The following HMBOX1 variants were observed in gnomAD, a reference collection of about 807,000 sequenced individuals.
HMBOX1 encodes homeobox-containing protein 1.
HMBOX1 carries 14 observed loss-of-function variants against 54.5 expected under a neutral mutation model. That is an observed-to-expected ratio of 0.26 (90% CI 0.17 to 0.40). HMBOX1 has a LOEUF of 0.40. Among genes scored for constraint, HMBOX1 ranks in the 10% least tolerant of loss-of-function variants. HMBOX1 has a pLI of 1.00. For missense variants in HMBOX1, 332 were observed against 514.4 expected (o/e 0.65, Z 3.43); for synonymous variants, 160 against 181.0 (o/e 0.88, Z 0.93).
intron 1 of HMBOX1, among the ~76,000 whole-genome samples, chr8:28,906,902 T>C (rs1398276570): frequency 6.6e-6 from 1 of 152,124 alleles, no homozygotes; most frequent in Non-Finnish European, 1.5e-5. Context: ...TTGAAAAAAA[T>C]GGTTTTTAAT....
intron 1 of HMBOX1, among the ~76,000 whole-genome samples, chr8:28,952,553 A>G (rs1305870963): frequency 1.3e-5 from 2 of 152,212 alleles, no homozygotes; most frequent in African/African-American, 2.4e-5. Context: ...AATATTTAAC[A>G]TGGAGACTAT....
intron 4 of HMBOX1, among the ~76,000 whole-genome samples, chr8:28,998,218 A>G (rs1195191174): frequency 3.9e-5 from 6 of 152,046 alleles, no homozygotes; most frequent in Non-Finnish European, 7.4e-5. Context: ...TTGTTGATCT[A>G]TGTATTTGTT....
chr8:28,900,411 G>A (rs1160799295), intron 1 of HMBOX1, among the ~76,000 whole-genome samples: 3 of 151,516 alleles, frequency 2.0e-5, no homozygotes, highest in African/African-American at 7.3e-5. Context: ...CTTGGAAAAT[G>A]CATAGACAGC....
At chr8:28,980,723 T>C (rs1047348204) in intron 4 of HMBOX1, among the ~76,000 whole-genome samples, 1 of 152,162 alleles carries the variant, frequency 6.6e-6, no homozygotes, top group Non-Finnish European at 1.5e-5. Context: ...TCTATTCAGA[T>C]TGCATTTTTT....
At chr8:29,014,522 A>C (rs1179609436) in intron 5 of HMBOX1, among the ~76,000 whole-genome samples, 1 of 152,166 alleles carries the variant, frequency 6.6e-6, no homozygotes, top group Non-Finnish European at 1.5e-5. Flanking sequence ...TTTCCAGAGT[A>C]CTTTTTTGTG....
At chr8:28,965,845 A>C (rs957315127) in intron 2 of HMBOX1, among the ~76,000 whole-genome samples, 1 of 152,208 alleles carries the variant, frequency 6.6e-6, no homozygotes, top group Non-Finnish European at 1.5e-5. Context: ...GCAGTTTGAC[A>C]TGAGGTGACA....
chr8:28,905,347 ACACG>A (rs1215455469), intron 1 of HMBOX1, among the ~76,000 whole-genome samples: 5 of 152,132 alleles, frequency 3.3e-5, no homozygotes, highest in Admixed American at 6.5e-5. Flanking sequence ...ATGCGCACAC[ACACG>A]CACGCACACA....
intron 6 of HMBOX1, among the ~76,000 whole-genome samples, chr8:29,043,974 A>G (rs1376019550): frequency 6.6e-6 from 1 of 152,132 alleles, no homozygotes. Context: ...CAAGACTGGG[A>G]GGATATAGCT....
At chr8:28,924,916 T>G (rs987865020) in intron 1 of HMBOX1, among the ~76,000 whole-genome samples, 1 of 150,704 alleles carries the variant, frequency 6.6e-6, no homozygotes, top group Non-Finnish European at 1.5e-5. Context: ...CCAGCCTCTT[T>G]TTTTTTTTTT....
intron 6 of HMBOX1, among the ~76,000 whole-genome samples, chr8:29,036,878 C>G (rs4732899): frequency 1.3e-5 from 2 of 151,942 alleles, no homozygotes; most frequent in Admixed American, 1.3e-4. Flanking sequence ...AATAAAGAAG[C>G]TTTCAGCTTA....
chr8:28,997,024 G>T (rs1831965215), intron 4 of HMBOX1, among the ~76,000 whole-genome samples: 1 of 151,646 alleles, frequency 6.6e-6, no homozygotes, highest in South Asian at 2.1e-4. Context: ...TATTCCTTTG[G>T]GTTTTTTATA....
chr8:28,894,655 G>A (rs1188798351), intron 1 of HMBOX1, among the ~76,000 whole-genome samples: 3 of 152,122 alleles, frequency 2.0e-5, no homozygotes, highest in Admixed American at 2.0e-4. Flanking sequence ...ATTTTTCCAT[G>A]GGATTATTTG....
chr8:28,984,890 T>A (rs1377300960), intron 4 of HMBOX1, among the ~76,000 whole-genome samples: 1 of 152,164 alleles, frequency 6.6e-6, no homozygotes. Context: ...ATTGGATGCA[T>A]GTCCTCTGAA....
At chr8:28,936,145 C>G (rs763556239) in intron 1 of HMBOX1, among the ~76,000 whole-genome samples, 11 of 152,156 alleles carry the variant, frequency 7.2e-5, no homozygotes, top group Non-Finnish European at 1.3e-4. Context: ...ACAATACTAA[C>G]TGTAATTATC....
chr8:28,960,753 CTTTTTCTTTTTCTTTTTTTTTTTTTTTT>C (rs1825348043), intron 1 of HMBOX1, among the ~76,000 whole-genome samples: 6 of 65,644 alleles, frequency 9.1e-5, no homozygotes, highest in Admixed American at 1.9e-4. Context: ...TTCTCTTTTT[CTTTTTCTTTTTCTTTTTTTTTTTTTTTT>C]TTTTTTTTTT....
At chr8:28,948,806 A>G (rs1031739171) in intron 1 of HMBOX1, among the ~76,000 whole-genome samples, 18 of 152,328 alleles carry the variant, frequency 1.2e-4, no homozygotes, top group African/African-American at 3.8e-4. Context: ...TTCTAGCTTA[A>G]TGAAATCTCT....
chr8:29,051,610 T>C lies in HMBOX1; in HGVS notation c.*455T>C, dbSNP rs1442306122. On this transcript the variant is annotated 3_prime_UTR_variant, in exon 10 of 10. Transcript: ENST00000287701. ...GGAATGACAGACACCATTTGGGGAG[T>C]ATCCACAGAGTCAAAGGAACACTAG... 1 of 702,440 alleles carries C rather than the reference T, an allele frequency of 1.4e-6. No individual in the cohort carries two copies. 43.5% of individuals were successfully genotyped at this position (702,440 alleles called of 1,614,324 possible).
intron 6 of HMBOX1, among the ~76,000 whole-genome samples, chr8:29,026,469 G>A (rs1229131072): frequency 2.0e-5 from 3 of 152,044 alleles, no homozygotes; most frequent in Non-Finnish European, 2.9e-5. Flanking sequence ...TTGTGAATAT[G>A]CTGAAAACTA....
intron 6 of HMBOX1, among the ~76,000 whole-genome samples, chr8:29,041,748 AGAGTT>A (rs1804855053): frequency 6.6e-6 from 1 of 152,148 alleles, no homozygotes; most frequent in South Asian, 2.1e-4. Flanking sequence ...AGGAGTTTAC[AGAGTT>A]ATTCCATTTT....
Sources: allele counts gnomAD v4.1 joint callset (sites outside exome capture counted in the v4.1 genomes callset), GRCh38; gene constraint gnomAD v4.1.1; transcripts MANE v1.5; gene names NCBI Gene and HGNC (gene_info 2026-07-23, HGNC 2026-07-21).